The following APOL3 variants were observed in gnomAD, a reference collection of about 807,000 sequenced individuals.
APOL3 encodes the protein apolipoprotein L3.
APOL3 carries 14 observed loss-of-function variants against 11.6 expected under a neutral mutation model. The ratio of observed to expected loss-of-function variants is 1.21; its 90% CI spans 0.80 to 1.89. The LOEUF (loss-of-function observed/expected upper bound fraction) is 1.89, where lower values mean the gene tolerates loss of function less well. APOL3 is among the 40% of genes most tolerant of loss of function. APOL3 has a pLI of 0.00. For synonymous variants in APOL3, 192 were observed against 190.6 expected, an observed-to-expected ratio of 1.01 and a Z score of -0.06; for missense variants, 483 against 492.1, an observed-to-expected ratio of 0.98 and a Z score of 0.17.
chr22:36,157,535 G>T (rs1236036795), intron 1 of APOL3, among the ~76,000 whole-genome samples: 2 of 152,186 alleles, frequency 1.3e-5, no homozygotes, highest in Admixed American at 1.3e-4. Flanking sequence ...ACAATGTTGA[G>T]TTGGGAAGAC....
intron 1 of APOL3, among the ~76,000 whole-genome samples, chr22:36,147,756 A>T (rs1238927784): frequency 6.6e-6 from 1 of 152,208 alleles, no homozygotes; most frequent in Non-Finnish European, 1.5e-5. Context: ...CCAGCACTAG[A>T]TCTGTGTATT....
At chr22:36,156,563 C>A (rs994335060) in intron 1 of APOL3, among the ~76,000 whole-genome samples, 8 of 152,186 alleles carry the variant, frequency 5.3e-5, no homozygotes, top group Non-Finnish European at 7.4e-5. Flanking sequence ...CTACTCCCCC[C>A]ACTCCCATTC....
Position 36,160,664 on chromosome 22 carries a change from C to G in APOL3, c.223+5G>C. On this transcript the variant is annotated splice_donor_5th_base_variant and intron_variant, in intron 1 of 2. Transcript: ENST00000349314. ...ATGGGGAAGGTCAGACCACCCCTAA[C>G]TTACCAAGGAAGCTTCTCTTGAAAG... 1 of 1,614,120 alleles carries G rather than the reference C, an allele frequency of 6.2e-7. No individual in the cohort carries two copies. The highest frequency in any genetic ancestry group is 1.7e-4 in the Middle Eastern group (1 of 6,004).
intron 2 of APOL3, among the ~76,000 whole-genome samples, chr22:36,143,653 T>C (rs9306306): frequency 0.054 from 8,175 of 152,200 alleles, 580 homozygotes; most frequent in African/African-American, 0.16. Flanking sequence ...GACTGAAAAG[T>C]GAAAGGCCTG....
At chr22:36,155,288 A>T (rs911512220) in intron 1 of APOL3, among the ~76,000 whole-genome samples, 1 of 152,150 alleles carries the variant, frequency 6.6e-6, no homozygotes, top group African/African-American at 2.4e-5. Context: ...AGGCACATCC[A>T]TTCCAGCCGC....
chr22:36,160,142 C>T (rs1182404153), intron 1 of APOL3, among the ~76,000 whole-genome samples: 2 of 152,194 alleles, frequency 1.3e-5, no homozygotes, highest in African/African-American at 4.8e-5. Flanking sequence ...CTCGGCCTCT[C>T]AAAGTGCTGG....
intron 1 of APOL3, among the ~76,000 whole-genome samples, chr22:36,157,536 T>C (rs556382116): frequency 6.6e-6 from 1 of 152,268 alleles, no homozygotes; most frequent in South Asian, 2.1e-4. Context: ...CAATGTTGAG[T>C]TGGGAAGACC....
exon 3 of APOL3, chr22:36,141,231 T>G (rs369347635): frequency 6.2e-7 from 1 of 1,614,024 alleles, no homozygotes; most frequent in African/African-American, 1.3e-5. Flanking sequence ...CAGACGCTGA[T>G]AGATCTGAGT....
upstream of APOL3, among the ~76,000 whole-genome samples, chr22:36,162,887 A>G (rs1235210826): frequency 6.6e-6 from 1 of 152,130 alleles, no homozygotes; most frequent in Non-Finnish European, 1.5e-5. Context: ...ACTGAAACAT[A>G]TTTTGCTAAA....
At chr22:36,144,020 A>G (rs533653907) in intron 2 of APOL3, among the ~76,000 whole-genome samples, 1 of 152,230 alleles carries the variant, frequency 6.6e-6, no homozygotes, top group South Asian at 2.1e-4. Context: ...GCCCGAAGAA[A>G]CACTTCCTCT....
intron 1 of APOL3, chr22:36,156,743 C>T (rs1288137236): frequency 3.1e-6 from 1 of 318,272 alleles, no homozygotes; most frequent in Non-Finnish European, 6.4e-6. Context: ...CCGGGGGCAG[C>T]TCTACCTCTG....
At chr22:36,160,185 G>T (rs1036850450) in intron 1 of APOL3, among the ~76,000 whole-genome samples, 2 of 152,044 alleles carry the variant, frequency 1.3e-5, no homozygotes, top group African/African-American at 4.8e-5. Flanking sequence ...GCCCAGCCAG[G>T]TTCCTTGTAT....
chr22:36,160,815 G>C (rs762434588), exon 1 of APOL3: 1 of 1,614,200 alleles, frequency 6.2e-7, no homozygotes, highest in Admixed American at 1.7e-5. Context: ...GAAAGTGAAA[G>C]TCACAACTTG....
At chr22:36,141,133 A>T in exon 3 of APOL3, 4 of 1,548,210 alleles carry the variant, frequency 2.6e-6, no homozygotes, top group Non-Finnish European at 3.5e-6. Context: ...TCCCCCTAAT[A>T]AAATGCCTGC....
chr22:36,141,911 G>A, exon 3 of APOL3: 2 of 1,614,154 alleles, frequency 1.2e-6, no homozygotes, highest in South Asian at 1.1e-5. Flanking sequence ...GCTTTTCTAT[G>A]GACTCCTGGA....
chr22:36,145,980 TTCTCTCTCTC>T (rs71193207), intron 1 of APOL3, among the ~76,000 whole-genome samples: 1,608 of 118,758 alleles, frequency 0.014, 31 homozygotes, highest in African/African-American at 0.044. Flanking sequence ...CTGTCTCTCT[TTCTCTCTCTC>T]TCTCTCTCTC....
At chr22:36,147,362 C>T (rs1007148771) in intron 1 of APOL3, among the ~76,000 whole-genome samples, 1 of 152,164 alleles carries the variant, frequency 6.6e-6, no homozygotes, top group Non-Finnish European at 1.5e-5. Flanking sequence ...AGGCTGGTCT[C>T]AGGGGACATG....
chr22:36,164,304 C>A (rs1184022688), upstream of APOL3, among the ~76,000 whole-genome samples: 1 of 152,194 alleles, frequency 6.6e-6, no homozygotes, highest in Non-Finnish European at 1.5e-5. Context: ...CCAGCCCCCA[C>A]TTCTGTTAAC....
At chr22:36,148,830 C>T (rs531071537) in intron 1 of APOL3, among the ~76,000 whole-genome samples, 17 of 152,326 alleles carry the variant, frequency 1.1e-4, no homozygotes, top group Non-Finnish European at 2.4e-4. Flanking sequence ...AAGTGGGCAC[C>T]TGGGCCATGC....
Sources: gnomAD v4.1 joint callset for allele counts (sites outside exome capture counted in the v4.1 genomes callset) on GRCh38, gnomAD v4.1.1 for gene constraint, MANE v1.5 for transcripts, NCBI Gene and HGNC (gene_info 2026-07-23, HGNC 2026-07-21) for gene names.